Variants in PREX1 observed in about 807,000 individuals in gnomAD.
The protein encoded by PREX1 is phosphatidylinositol-3,4,5-trisphosphate dependent Rac exchange factor 1, also known as phosphatidylinositol 3,4,5-trisphosphate-dependent Rac exchanger 1 protein.
Under a neutral mutation model 198.3 loss-of-function variants are expected in PREX1, and 41 were observed. The observed-to-expected ratio is 0.21, with a 90% CI of 0.16 to 0.27. The LOEUF (loss-of-function observed/expected upper bound fraction) is 0.27. Among genes scored for constraint, PREX1 ranks in the 10% least tolerant of loss-of-function variants. PREX1 has a pLI of 1.00. For missense variants in PREX1, 1,620 were observed against 2,200.7 expected (o/e 0.74, Z 5.28); for synonymous variants, 843 against 887.2 (o/e 0.95, Z 0.89).
chr20:48,717,207 T>C (rs2089965875), intron 5 of PREX1, among the ~76,000 whole-genome samples: 1 of 151,956 alleles, frequency 6.6e-6, no homozygotes, highest in African/African-American at 2.4e-5. Context: ...TGGAAAGCCA[T>C]ATTGTCCTCT....
At chr20:48,846,462 C>T in the PREX1 span, among the ~76,000 whole-genome samples, 10 of 152,226 alleles carry the variant, frequency 6.6e-5, no homozygotes, top group African/African-American at 2.4e-4. Context: ...TCTCCTCCCC[C>T]ACCATCCTGC....
chr20:48,714,631 A>C (rs1328578632), intron 5 of PREX1, among the ~76,000 whole-genome samples: 1 of 152,242 alleles, frequency 6.6e-6, no homozygotes, highest in East Asian at 1.9e-4. Flanking sequence ...AGATATGAAA[A>C]AAATAGAGCC....
At chr20:48,723,782 C>T (rs1265323130) in intron 5 of PREX1, among the ~76,000 whole-genome samples, 1 of 152,182 alleles carries the variant, frequency 6.6e-6, no homozygotes, top group African/African-American at 2.4e-5. Context: ...CAAACTCTGG[C>T]CCCTGGGGAG....
At chr20:48,820,910 G>A (rs1030438528) in intron 1 of PREX1, among the ~76,000 whole-genome samples, 7 of 152,174 alleles carry the variant, frequency 4.6e-5, no homozygotes, top group Non-Finnish European at 1.0e-4. Flanking sequence ...TCTTCAAGAG[G>A]GACTTTTGGC....
rs186928043 is a variant in PREX1, at chr20:48,632,637, T to C, written c.4270A>G (p.Thr1424Ala). The C allele has an allele frequency of 5.6e-6, 9 of 1,613,616 alleles. No homozygotes were observed. The Admixed American group carries it at 1.3e-4, about 24-fold the overall frequency. ...CCCTCAATGTGGTAGAAGACGTTGG[T>C]GTCTGCGGAAGGATATGGGGCAGGA... ...KQLDENYVAN[T>A]NVFYHIEGSR... Residue 1424 changes from threonine to alanine, a missense_variant and splice_region_variant, in exon 34 of 40, where the codon ACC becomes GCC. Coordinates refer to ENST00000371941, the MANE Select transcript of PREX1 (RefSeq NM_020820.4).
intron 5 of PREX1, among the ~76,000 whole-genome samples, chr20:48,711,636 T>C (rs186655423): frequency 2.7e-4 from 41 of 152,334 alleles, no homozygotes; most frequent in Admixed American, 7.2e-4. Flanking sequence ...TTCACTGATA[T>C]ATTGTCAGTG....
intron 5 of PREX1, among the ~76,000 whole-genome samples, chr20:48,725,670 G>T (rs915867056): frequency 6.6e-6 from 1 of 152,216 alleles, no homozygotes; most frequent in Non-Finnish European, 1.5e-5. Flanking sequence ...TGGAGCACAT[G>T]ACCCAAGTCT....
rs2089774589 is a variant in PREX1 at position 48,684,776 on chromosome 20, T to G, written c.1335-3441A>C. Among the ~76,000 whole-genome samples the G allele has an allele frequency of 6.6e-6, 1 of 152,110 alleles. No homozygotes were observed. Among genetic ancestry groups the G allele is most frequent in the Non-Finnish European group, 1.5e-5 (1 of 68,022 alleles). ...CCTGCCTGAGGTGACCCACTTTAAC[T>G]GCTGAGGCCACATCTCCTGCCCCTC... On this transcript the variant is annotated intron_variant, in intron 10 of 39. Coordinates refer to ENST00000371941, the MANE Select transcript of PREX1 (RefSeq NM_020820.4). This position sits in a 1 kb window ranked among gnomAD's most constrained non-coding sequence, Gnocchi z 4.2.
intron 15 of PREX1, among the ~76,000 whole-genome samples, chr20:48,661,296 G>A (rs1248947728): frequency 3.3e-5 from 5 of 150,416 alleles, no homozygotes; most frequent in Admixed American, 2.6e-4. Flanking sequence ...GCGCATGCCT[G>A]TAATCCCAGC....
Position 48,812,749 on chromosome 20 carries a change from C to A in PREX1, c.219+14893G>T, listed in dbSNP as rs138133730. Reference sequence around the variant, plus strand: ...AGCAGCTGGGCCACTGACCACACAGCAGGCAGGCAGTCAGGATTTGAACTG... The same window carrying A: ...AGCAGCTGGGCCACTGACCACACAGAAGGCAGGCAGTCAGGATTTGAACTG... On this transcript the variant is annotated intron_variant, in intron 1 of 39. Transcript: ENST00000371941. Among the ~76,000 whole-genome samples, 825 of 152,264 alleles carry A rather than the reference C, an allele frequency of 5.4e-3. 9 individuals are homozygous for A. The highest frequency in any genetic ancestry group is 0.019 in the African/African-American group (780 of 41,538).
intron 5 of PREX1, among the ~76,000 whole-genome samples, chr20:48,716,782 G>C (rs536743016): frequency 6.6e-6 from 1 of 152,292 alleles, no homozygotes; most frequent in South Asian, 2.1e-4. Flanking sequence ...CTACGCAAAC[G>C]CTGGGAAAGG....
rs1045410340 is a variant in PREX1, at chr20:48,684,015, T to C, written c.1335-2680A>G. ...CCCAGAAAGACACAGCTCAGGACAG[T>C]GTGAGGAGAGCTGGAGATACAAGGA... On this transcript the variant is annotated intron_variant, in intron 10 of 39. Coordinates refer to ENST00000371941, the MANE Select transcript of PREX1 (RefSeq NM_020820.4). The surrounding 1 kb of genome is among the most constrained non-coding windows in gnomAD (Gnocchi z 4.2). Among the ~76,000 whole-genome samples the C allele has an allele frequency of 1.3e-5, 2 of 151,858 alleles. No homozygotes were observed. The highest frequency in any genetic ancestry group is 1.3e-4 in the Admixed American group (2 of 15,246).
chr20:48,803,160 G>C (rs771497097), intron 1 of PREX1, among the ~76,000 whole-genome samples: 1 of 152,216 alleles, frequency 6.6e-6, no homozygotes, highest in African/African-American at 2.4e-5. Flanking sequence ...TAGCAGGCAT[G>C]GCTGGTTCAG....
At position 48,708,199 on chromosome 20, in the gene PREX1, T is replaced by C. The variant is rs1450246268; in HGVS notation, c.783+61A>G. On this transcript the variant is annotated intron_variant, in intron 6 of 39. Coordinates refer to ENST00000371941, the MANE Select transcript of PREX1 (RefSeq NM_020820.4). ...AGGTGCCCAGGCCTCAGTTCATGAC[T>C]GCACCTGTGCACCTCCTGGCCCCCT... The C allele has an allele frequency of 3.8e-6, 6 of 1,569,404 alleles. No individual in the cohort carries two copies. In the African/African-American group the frequency reaches 6.7e-5, roughly 18 times the overall value.
At chr20:48,803,676 T>C (rs2090397506) in intron 1 of PREX1, among the ~76,000 whole-genome samples, 1 of 152,208 alleles carries the variant, frequency 6.6e-6, no homozygotes, top group Admixed American at 6.5e-5. Context: ...AGTCGTGCCC[T>C]GAGTCCTGCT....
chr20:48,850,396 G>A, the PREX1 span, among the ~76,000 whole-genome samples: 2 of 152,158 alleles, frequency 1.3e-5, no homozygotes, highest in African/African-American at 2.4e-5. Flanking sequence ...GAGGGGTAAC[G>A]ATGTGGACCC....
At chr20:48,830,674 T>G (rs2090535309), upstream of PREX1, among the ~76,000 whole-genome samples, 1 of 152,238 alleles carries the variant, frequency 6.6e-6, no homozygotes, top group South Asian at 2.1e-4. Flanking sequence ...CTGGGATCTT[T>G]TTCCCCTTCC....
chr20:48,694,282 C>A (rs1002719887), intron 7 of PREX1, among the ~76,000 whole-genome samples: 2 of 152,190 alleles, frequency 1.3e-5, no homozygotes, highest in Non-Finnish European at 2.9e-5. Flanking sequence ...CTAAAACAGT[C>A]ACTCAACAAA....
At chr20:48,759,599 C>T (rs1416084850) in intron 1 of PREX1, among the ~76,000 whole-genome samples, 1 of 149,856 alleles carries the variant, frequency 6.7e-6, no homozygotes, top group Middle Eastern at 3.5e-3. Context: ...ATACTACAGG[C>T]AAAGCATTTA....
Sources: allele counts gnomAD v4.1 joint callset (sites outside exome capture counted in the v4.1 genomes callset), GRCh38; gene constraint gnomAD v4.1.1; non-coding constraint Gnocchi (gnomAD v3.1); transcripts MANE v1.5; gene names NCBI Gene and HGNC (gene_info 2026-07-23, HGNC 2026-07-21).